The following COL4A1 variants were observed in gnomAD, a reference collection of about 807,000 sequenced individuals.
The protein encoded by COL4A1 is collagen type IV alpha 1 chain.
COL4A1 carries 40 observed loss-of-function variants against 216.6 expected under a neutral mutation model. The ratio of observed to expected loss-of-function variants is 0.18; its 90% CI spans 0.14 to 0.24. The LOEUF (loss-of-function observed/expected upper bound fraction) is 0.24. Among genes scored for constraint, COL4A1 ranks in the 10% least tolerant of loss-of-function variants. The pLI is 1.00. For missense variants in COL4A1, 1,628 were observed against 2,196.8 expected (o/e 0.74, Z 5.18); for synonymous variants, 839 against 810.7 (o/e 1.03, Z -0.59).
intron 50 of COL4A1, 32 bp from the exon 51 acceptor site, chr13:110,152,538 G>A (rs1015119433): frequency 6.3e-7 from 1 of 1,594,324 alleles, no homozygotes; most frequent in Non-Finnish European, 8.5e-7. Context: ...TGAGTCAGAG[G>A]TTCCCTCCCC....
chr13:110,192,472 T>G (rs1380544394), intron 23 of COL4A1, among the ~76,000 whole-genome samples, 188 bp from the exon 24 acceptor site: 1 of 152,138 alleles, frequency 6.6e-6, no homozygotes, highest in East Asian at 1.9e-4. Context: ...CCGACGCACA[T>G]GTACACCCGG....
chr13:110,219,816 A>ATATATGTGTATATG (rs1880334024), intron 2 of COL4A1, among the ~76,000 whole-genome samples: 1 of 133,286 alleles, frequency 7.5e-6, no homozygotes. Flanking sequence ...ATGTGTATAT[A>ATATATGTGTATATG]TGTATATATA....
intron 1 of COL4A1, among the ~76,000 whole-genome samples, chr13:110,249,411 A>G (rs1374037753): frequency 6.6e-6 from 1 of 152,140 alleles, no homozygotes; most frequent in Non-Finnish European, 1.5e-5. Context: ...GAAACAGTTC[A>G]AGGGACTGAG....
At chr13:110,186,687 C>T in intron 25 of COL4A1, 134 bp from the exon 26 acceptor site, 1 of 1,171,574 alleles carries the variant, frequency 8.5e-7, no homozygotes, top group Non-Finnish European at 1.2e-6. Context: ...CTTCATCTAC[C>T]CTCCCAGGAG....
chr13:110,291,577 A>T (rs1404242325), intron 1 of COL4A1, among the ~76,000 whole-genome samples: 1 of 152,164 alleles, frequency 6.6e-6, no homozygotes, highest in Non-Finnish European at 1.5e-5. Flanking sequence ...CAGTTTCCTT[A>T]TCACCCACCC....
At position 110,187,288 on chromosome 13, in the gene COL4A1, G is replaced by A. The variant is rs766681986; in HGVS notation, c.1578C>T (p.Ala526=). The A allele has an allele frequency of 1.9e-6, 3 of 1,613,076 alleles. No individual in the cohort carries two copies. The highest frequency in any genetic ancestry group is 1.7e-6 in the Non-Finnish European group (2 of 1,179,876). The change falls in exon 25 of 52, where the codon GCC becomes GCT. Residue 526 remains alanine, a synonymous_variant. Coordinates refer to ENST00000375820, the MANE Select transcript of COL4A1 (RefSeq NM_001845.6). Reference sequence around the variant, plus strand: ...AATAAAACTCACCAGGCTCCCCCTTGGCTCCTGGCTGGCCTATCAGCCCTG... The same window carrying A: ...AATAAAACTCACCAGGCTCCCCCTTAGCTCCTGGCTGGCCTATCAGCCCTG... ...GTPGLIGQPG[A]KGEPGEFYFD...
chr13:110,182,078 AGGTGAAGGAGGCACTGTGTGAGGCAAT>A (rs1024767733), intron 28 of COL4A1, among the ~76,000 whole-genome samples: 10 of 152,208 alleles, frequency 6.6e-5, no homozygotes, highest in African/African-American at 2.4e-4. Context: ...TCACGGCCTC[AGGTGAAGGAGGCACTGTGTGAGGCAAT>A]GGTGGAATGT....
intron 22 of COL4A1, 82 bp downstream of exon 22, chr13:110,194,941 T>C (rs1461796911): frequency 8.3e-7 from 1 of 1,211,792 alleles, no homozygotes; most frequent in Non-Finnish European, 1.2e-6. Flanking sequence ...CACCCCCACT[T>C]GGCTCCAAAG....
intron 26 of COL4A1, among the ~76,000 whole-genome samples, chr13:110,183,653 A>G (rs1878279078): frequency 6.6e-6 from 1 of 152,218 alleles, no homozygotes; most frequent in Admixed American, 6.5e-5. Context: ...GTTCTCTCTC[A>G]ATTTACCAAA....
At chr13:110,196,083 C>T (rs1878873818) in intron 21 of COL4A1, among the ~76,000 whole-genome samples, 1 of 152,262 alleles carries the variant, frequency 6.6e-6, no homozygotes, top group Admixed American at 6.5e-5. Context: ...AAAAAGATCC[C>T]ACACCTTGTT....
At chr13:110,171,765 G>A (rs138100364) in intron 41 of COL4A1, among the ~76,000 whole-genome samples, 44 of 152,304 alleles carry the variant, frequency 2.9e-4, no homozygotes, top group African/African-American at 9.9e-4. Context: ...AGGAGTGTGC[G>A]GGATCACATG....
chr13:110,177,073 C>T (rs776192542), intron 33 of COL4A1, 36 bp from the exon 34 acceptor site: 1 of 1,611,162 alleles, frequency 6.2e-7, no homozygotes. Context: ...TGAGCCTGGG[C>T]CAGTGTCACA....
chr13:110,205,590 C>T lies in COL4A1; in HGVS notation c.859-52G>A, dbSNP rs189470135. The T allele has an allele frequency of 2.6e-4, 411 of 1,598,540 alleles. 2 individuals are homozygous for T. Among genetic ancestry groups the T allele is most frequent in the East Asian group, 1.2e-3 (54 of 44,708 alleles). On this transcript the variant is annotated intron_variant, in intron 15 of 51. Coordinates refer to ENST00000375820, the MANE Select transcript of COL4A1 (RefSeq NM_001845.6). ...TATTTAATAAATAATAGACTGCGCG[C>T]GGTGGCTCATGCCTGTAATCCCAGC...
At chr13:110,185,612 G>T (rs934665487) in intron 26 of COL4A1, among the ~76,000 whole-genome samples, 1 of 152,156 alleles carries the variant, frequency 6.6e-6, no homozygotes, top group Admixed American at 6.5e-5. Flanking sequence ...TTCTCATTCC[G>T]GGATTTTCTA....
At chr13:110,201,705 C>A (rs768030089) in intron 18 of COL4A1, 183 bp from the exon 19 acceptor site, 4 of 751,106 alleles carry the variant, frequency 5.3e-6, no homozygotes, top group Non-Finnish European at 2.4e-6. Flanking sequence ...ATGGGACAGG[C>A]CGGTGCGGTG....
chr13:110,240,343 G>A (rs902148228), intron 2 of COL4A1, among the ~76,000 whole-genome samples: 9 of 152,244 alleles, frequency 5.9e-5, no homozygotes, highest in African/African-American at 2.2e-4. Context: ...GGGAAACCTG[G>A]CTAAGGCCAC....
At chr13:110,279,875 G>A (rs1355699879) in intron 1 of COL4A1, among the ~76,000 whole-genome samples, 1 of 152,206 alleles carries the variant, frequency 6.6e-6, no homozygotes. Context: ...CGAGAGGGCT[G>A]GCTGCCCTCC....
chr13:110,174,559 TA>T (rs779633196), intron 38 of COL4A1, 33 bp from the exon 39 acceptor site: 12 of 1,613,990 alleles, frequency 7.4e-6, no homozygotes, highest in Non-Finnish European at 1.0e-5. Context: ...AGAACATCCA[TA>T]AGTTTGGGCT....
intron 42 of COL4A1, among the ~76,000 whole-genome samples, chr13:110,170,169 C>T (rs1307011199): frequency 6.8e-6 from 1 of 147,282 alleles, no homozygotes; most frequent in East Asian, 2.0e-4. Context: ...AGAAATGCCA[C>T]TGTCTCCGTG....
Sources: allele counts gnomAD v4.1 joint callset (sites outside exome capture counted in the v4.1 genomes callset), GRCh38; gene constraint gnomAD v4.1.1; transcripts MANE v1.5; gene names NCBI Gene and HGNC (gene_info 2026-07-23, HGNC 2026-07-21).